Variants in SLC4A4 observed in about 807,000 individuals in gnomAD.
SLC4A4 encodes the protein electrogenic sodium bicarbonate cotransporter 1.
In SLC4A4, 27 loss-of-function variants were observed where a neutral mutation model predicts 111.5. That is an observed-to-expected ratio of 0.24 (90% CI 0.18 to 0.33). The LOEUF (loss-of-function observed/expected upper bound fraction) is 0.33, where lower values mean the gene tolerates loss of function less well. Ranked by LOEUF, SLC4A4 falls within the 10% of genes least tolerant of loss-of-function variation. SLC4A4 has a pLI of 1.00. For missense variants in SLC4A4, 909 were observed against 1,315.5 expected (o/e 0.69, Z 4.78); for synonymous variants, 443 against 463.4 (o/e 0.96, Z 0.57).
At chr4:71,462,796 T>G (rs1444588208) in intron 12 of SLC4A4, among the ~76,000 whole-genome samples, 1 of 152,160 alleles carries the variant, frequency 6.6e-6, no homozygotes, top group African/African-American at 2.4e-5. Flanking sequence ...GCTAAGCACC[T>G]TACATACATT....
upstream of SLC4A4, among the ~76,000 whole-genome samples, chr4:71,182,692 T>C (rs151123060): frequency 6.0e-4 from 91 of 151,190 alleles, no homozygotes; most frequent in Non-Finnish European, 9.7e-4. Context: ...AAGTTGCTAG[T>C]CTGATCACGT....
intron 16 of SLC4A4, among the ~76,000 whole-genome samples, chr4:71,511,651 T>C (rs1266692371): frequency 1.3e-5 from 2 of 152,060 alleles, no homozygotes; most frequent in Non-Finnish European, 2.9e-5. Flanking sequence ...AGGGTATCTA[T>C]CACCCATTTT....
intron 1 of SLC4A4, chr4:71,236,227 T>G: frequency 9.6e-7 from 1 of 1,045,236 alleles, no homozygotes; most frequent in Non-Finnish European, 1.1e-6. Flanking sequence ...AAACTTCCTC[T>G]CTTGGTATTT....
intron 7 of SLC4A4, among the ~76,000 whole-genome samples, chr4:71,423,001 G>A (rs1358834157): frequency 2.0e-5 from 3 of 152,152 alleles, no homozygotes; most frequent in East Asian, 3.9e-4. Flanking sequence ...AATTAGGCAG[G>A]AGAAGGAAAT....
chr4:71,311,559 A>G (rs538474303), intron 3 of SLC4A4, among the ~76,000 whole-genome samples: 2 of 152,274 alleles, frequency 1.3e-5, no homozygotes, highest in East Asian at 3.9e-4. Context: ...TGTATGTGGA[A>G]ACTGAACAAC....
At chr4:71,509,114 C>T (rs1731677757) in intron 16 of SLC4A4, among the ~76,000 whole-genome samples, 1 of 152,204 alleles carries the variant, frequency 6.6e-6, no homozygotes, top group South Asian at 2.1e-4. Flanking sequence ...AAAATAATGA[C>T]AGCCATGTAT....
At chr4:71,192,879 C>G (rs1383413874) in intron 1 of SLC4A4, among the ~76,000 whole-genome samples, 1 of 152,206 alleles carries the variant, frequency 6.6e-6, no homozygotes, top group Non-Finnish European at 1.5e-5. Flanking sequence ...AAGGTAACCA[C>G]TCTCCTAATT....
At chr4:71,453,815 G>A in intron 12 of SLC4A4, 146 bp downstream of exon 12, 1 of 742,648 alleles carries the variant, frequency 1.3e-6, no homozygotes, top group Non-Finnish European at 2.3e-6. Context: ...TTTGCTTCTG[G>A]CCTGCTGCTG....
At chr4:71,145,566 C>T (rs775618455) in intron 2 of SLC4A4, among the ~76,000 whole-genome samples, 99 of 150,056 alleles carry the variant, frequency 6.6e-4, no homozygotes, top group Non-Finnish European at 3.7e-4. Flanking sequence ...GGCTGTGAAT[C>T]CATCTGGTCC....
At chr4:71,138,763 G>T (rs1403386128) in intron 2 of SLC4A4, among the ~76,000 whole-genome samples, 2 of 152,108 alleles carry the variant, frequency 1.3e-5, no homozygotes, top group African/African-American at 4.8e-5. Context: ...TTGGCCGGGC[G>T]CGGTGGCTCA....
Position 71,492,136 on chromosome 4 carries a change from GT to G in SLC4A4, c.1974+5119del, listed in dbSNP as rs568232469. 1.7e-3 allele frequency among the ~76,000 whole-genome samples: 259 copies of G among 150,876 alleles called. 1 individual carries two copies. The highest frequency in any genetic ancestry group is 6.0e-3 in the African/African-American group (249 of 41,192). ...GAAAGTCAAGTGTAAAAACCATTCT[GT>G]CCTTAAATCTCCTTGAAGATTACAT... On this transcript the variant is annotated intron_variant, in intron 15 of 25. Transcript: ENST00000264485.
chr4:71,514,780 A>G (rs2149181019), intron 16 of SLC4A4, among the ~76,000 whole-genome samples: 1 of 152,158 alleles, frequency 6.6e-6, no homozygotes. Flanking sequence ...ATTATTCTAT[A>G]CTTGTTCATA....
intron 3 of SLC4A4, among the ~76,000 whole-genome samples, chr4:71,287,001 C>T (rs2149097856): frequency 6.6e-6 from 1 of 152,164 alleles, no homozygotes; most frequent in South Asian, 2.1e-4. Context: ...AATGGCAGAG[C>T]CAAGACTTTA....
chr4:71,399,784 G>A (rs1165185753), intron 7 of SLC4A4, among the ~76,000 whole-genome samples: 1 of 151,872 alleles, frequency 6.6e-6, no homozygotes, highest in Non-Finnish European at 1.5e-5. Flanking sequence ...CTCTGTTTAG[G>A]TCAGGACTAA....
At chr4:71,145,840 TC>T (rs1322617057) in intron 2 of SLC4A4, among the ~76,000 whole-genome samples, 1 of 152,196 alleles carries the variant, frequency 6.6e-6, no homozygotes, top group Non-Finnish European at 1.5e-5. Context: ...TTCTCTCTTT[TC>T]TTCTTTATTA....
chr4:71,158,208 A>G (rs189819613), intron 2 of SLC4A4, among the ~76,000 whole-genome samples: 1 of 151,824 alleles, frequency 6.6e-6, no homozygotes, highest in Non-Finnish European at 1.5e-5. Flanking sequence ...TAATATAAAC[A>G]TGTAGCCACA....
At chr4:71,308,474 C>T (rs948579009) in intron 3 of SLC4A4, among the ~76,000 whole-genome samples, 3 of 152,136 alleles carry the variant, frequency 2.0e-5, no homozygotes, top group Admixed American at 6.5e-5. Context: ...TAGCTCCCAG[C>T]GAGACCAATG....
At chr4:71,128,731 T>C (rs972631388) in intron 2 of SLC4A4, among the ~76,000 whole-genome samples, 1 of 152,134 alleles carries the variant, frequency 6.6e-6, no homozygotes, top group African/African-American at 2.4e-5. Flanking sequence ...TCAAGCAATT[T>C]GACTGACTTG....
intron 6 of SLC4A4, among the ~76,000 whole-genome samples, chr4:71,386,038 C>T: frequency 6.6e-6 from 1 of 150,542 alleles, no homozygotes; most frequent in African/African-American, 2.4e-5. Context: ...CCCAGCTTTT[C>T]TATATATATT....
Sources: gnomAD v4.1 joint callset for allele counts (sites outside exome capture counted in the v4.1 genomes callset) on GRCh38, gnomAD v4.1.1 for gene constraint, MANE v1.5 for transcripts, NCBI Gene and HGNC (gene_info 2026-07-23, HGNC 2026-07-21) for gene names.